Variants in RBFOX1 observed in about 807,000 individuals in gnomAD.
RBFOX1 encodes the protein RNA binding fox-1 homolog 1.
RBFOX1 carries 8 observed loss-of-function variants against 57.7 expected under a neutral mutation model. That is an observed-to-expected ratio of 0.14 (90% CI 0.08 to 0.25). RBFOX1 has a LOEUF of 0.25. Ranked by LOEUF, RBFOX1 falls within the 10% of genes least tolerant of loss-of-function variation. RBFOX1 has a pLI of 1.00. For missense variants in RBFOX1, 611 were observed against 548.5 expected (o/e 1.11, Z -1.14); for synonymous variants, 326 against 222.4 (o/e 1.47, Z -4.15).
intron 1 of RBFOX1, among the ~76,000 whole-genome samples, chr16:5,332,513 C>G (rs531111128): frequency 1.3e-5 from 2 of 152,216 alleles, no homozygotes; most frequent in South Asian, 4.1e-4. Context: ...ATCTGCCTAC[C>G]TCGGCGTCCC....
chr16:7,531,946 G>C (rs1171859542), intron 5 of RBFOX1, among the ~76,000 whole-genome samples: 3 of 152,056 alleles, frequency 2.0e-5, no homozygotes, highest in Non-Finnish European at 2.9e-5. Context: ...TAGAGTGAAA[G>C]AGGCCTTCAT....
chr16:6,576,714 A>G (rs961622895), intron 2 of RBFOX1, among the ~76,000 whole-genome samples: 6 of 152,168 alleles, frequency 3.9e-5, no homozygotes, highest in Admixed American at 2.0e-4. Context: ...ATTTACTAAA[A>G]CAAAAGAGGC....
chr16:7,531,511 G>C (rs1391631520), intron 5 of RBFOX1, among the ~76,000 whole-genome samples: 1 of 152,170 alleles, frequency 6.6e-6, no homozygotes, highest in Non-Finnish European at 1.5e-5. Context: ...AGGTCACAAG[G>C]CTGATAAGGG....
chr16:6,928,062 C>T (rs191759513), intron 3 of RBFOX1, among the ~76,000 whole-genome samples: 254 of 152,236 alleles, frequency 1.7e-3, no homozygotes, highest in African/African-American at 5.7e-3. Context: ...TGGGTTGAAG[C>T]CCCAGATGAC....
At chr16:7,090,008 T>C (rs76846504) in intron 4 of RBFOX1, among the ~76,000 whole-genome samples, 7,940 of 152,218 alleles carry the variant, frequency 0.052, 349 homozygotes, top group African/African-American at 0.11. Context: ...ACTGTGAGGT[T>C]GGAGGGGTTT....
chr16:7,249,418 T>C (rs891443220), intron 4 of RBFOX1, among the ~76,000 whole-genome samples: 2 of 152,186 alleles, frequency 1.3e-5, no homozygotes, highest in South Asian at 2.1e-4. Flanking sequence ...CCAAGGGCCA[T>C]AGAAATTGGA....
intron 1 of RBFOX1, among the ~76,000 whole-genome samples, chr16:6,240,299 G>C (rs1396570847): frequency 1.3e-5 from 2 of 152,060 alleles, no homozygotes; most frequent in Admixed American, 6.6e-5. Flanking sequence ...GGCCTAACAC[G>C]GTGTCCTATA....
chr16:7,477,513 A>G (rs763846563), intron 4 of RBFOX1, among the ~76,000 whole-genome samples: 24 of 152,056 alleles, frequency 1.6e-4, no homozygotes, highest in Non-Finnish European at 2.6e-4. Context: ...CCCCCTGAAT[A>G]TTATTGCCTG....
intron 4 of RBFOX1, among the ~76,000 whole-genome samples, chr16:7,485,545 T>C (rs1007658386): frequency 1.3e-5 from 2 of 152,200 alleles, no homozygotes; most frequent in Admixed American, 1.3e-4. Context: ...GCCTTTGTCT[T>C]GGGCTGAAGC....
intron 2 of RBFOX1, among the ~76,000 whole-genome samples, chr16:6,654,256 A>G (rs932605053): frequency 6.6e-6 from 1 of 152,160 alleles, no homozygotes; most frequent in African/African-American, 2.4e-5. Flanking sequence ...TGAATGGGAG[A>G]GATATTAAAG....
At chr16:6,546,881 C>T (rs1035338137) in intron 2 of RBFOX1, among the ~76,000 whole-genome samples, 7 of 152,148 alleles carry the variant, frequency 4.6e-5, no homozygotes, top group Non-Finnish European at 8.8e-5. Context: ...ATCATGCCTC[C>T]GAAGTCCATG....
At chr16:5,965,947 C>T (rs566335546) in intron 4 of RBFOX1, among the ~76,000 whole-genome samples, 36 of 152,288 alleles carry the variant, frequency 2.4e-4, no homozygotes, top group African/African-American at 8.2e-4. Context: ...TGGATGTTAT[C>T]CACCTGGCTG....
rs531211073 is a variant in RBFOX1, at chr16:6,546,736, C to A, written c.-63-107867C>A. Among the ~76,000 whole-genome samples the A allele has an allele frequency of 4.6e-5, 7 of 152,262 alleles. No homozygotes were observed. In the South Asian group the frequency reaches 1.5e-3, roughly 32 times the overall value. On this transcript the variant is annotated intron_variant, in intron 2 of 15. Coordinates refer to ENST00000550418, the MANE Select transcript of RBFOX1 (RefSeq NM_018723.4). ...CAGGTACCTGAGGTTAAGGGTTTAT[C>A]TGTCTTTTTGAGGGGACATGATTTA...
intron 2 of RBFOX1, among the ~76,000 whole-genome samples, chr16:6,373,457 G>T (rs112376874): frequency 6.7e-6 from 1 of 149,980 alleles, no homozygotes; most frequent in East Asian, 2.0e-4. Context: ...AGGATGGTTG[G>T]TTAGGATCTT....
chr16:6,671,806 A>G (rs1335062881), intron 3 of RBFOX1, among the ~76,000 whole-genome samples: 1 of 152,176 alleles, frequency 6.6e-6, no homozygotes, highest in African/African-American at 2.4e-5. Context: ...ATTCCTTTTT[A>G]TGACGGAGTA....
intron 3 of RBFOX1, chr16:6,874,080 C>G (rs983877737): frequency 1.3e-5 from 2 of 152,158 alleles, no homozygotes; most frequent in African/African-American, 2.4e-5. Flanking sequence ...AAGACACTTG[C>G]ACATGCATGT....
At chr16:6,402,588 T>G (rs1228249155) in intron 2 of RBFOX1, among the ~76,000 whole-genome samples, 2 of 152,202 alleles carry the variant, frequency 1.3e-5, no homozygotes, top group African/African-American at 4.8e-5. Flanking sequence ...GTCCTTGACC[T>G]ATACATTTAC....
At chr16:5,398,567 CGTGTGTGTGT>C (rs141831881) in intron 1 of RBFOX1, among the ~76,000 whole-genome samples, 7 of 148,800 alleles carry the variant, frequency 4.7e-5, no homozygotes, top group Non-Finnish European at 1.0e-4. Context: ...TGCATCTGTA[CGTGTGTGTGT>C]GTGTGTGTGT....
At chr16:7,569,466 G>C (rs114216631) in intron 5 of RBFOX1, among the ~76,000 whole-genome samples, 1 of 152,120 alleles carries the variant, frequency 6.6e-6, no homozygotes, top group African/African-American at 2.4e-5. Flanking sequence ...TGACATTGGG[G>C]GTTCTCTTCC....
Sources: allele counts gnomAD v4.1 joint callset (sites outside exome capture counted in the v4.1 genomes callset), GRCh38; gene constraint gnomAD v4.1.1; transcripts MANE v1.5; gene names NCBI Gene and HGNC (gene_info 2026-07-23, HGNC 2026-07-21).